The following SUMF1 variants were observed in gnomAD, a reference collection of about 807,000 sequenced individuals.
The protein encoded by SUMF1 is formylglycine-generating enzyme.
In SUMF1, 48 loss-of-function variants were observed where a neutral mutation model predicts 47.6. That is an observed-to-expected ratio of 1.01 (90% CI 0.80 to 1.28). The LOEUF is 1.28. Among genes scored for constraint, SUMF1 ranks in the 50% most tolerant of loss-of-function variants. The pLI is 0.00. For missense variants in SUMF1, 571 were observed against 485.4 expected (o/e 1.18, Z -1.66); for synonymous variants, 230 against 192.1 (o/e 1.20, Z -1.63).
At chr3:4,111,860 G>T (rs1218106734) in intron 8 of SUMF1, among the ~76,000 whole-genome samples, 3 of 152,118 alleles carry the variant, frequency 2.0e-5, no homozygotes, top group South Asian at 2.1e-4. Flanking sequence ...GAAGTGCACT[G>T]GCCTAGGTTA....
intron 6 of SUMF1, among the ~76,000 whole-genome samples, chr3:4,412,280 C>T (rs1701569017): frequency 6.6e-6 from 1 of 152,182 alleles, no homozygotes; most frequent in Non-Finnish European, 1.5e-5. Flanking sequence ...CAAAATCCAA[C>T]TCTGAAATGC....
chr3:4,347,690 A>T (rs1030147539), intron 8 of SUMF1, among the ~76,000 whole-genome samples: 1 of 152,208 alleles, frequency 6.6e-6, no homozygotes, highest in Non-Finnish European at 1.5e-5. Context: ...CATGGCAATC[A>T]GGCAAGAGAA....
At chr3:4,170,233 C>T (rs1371857268) in intron 8 of SUMF1, among the ~76,000 whole-genome samples, 1 of 152,172 alleles carries the variant, frequency 6.6e-6, no homozygotes, top group Non-Finnish European at 1.5e-5. Flanking sequence ...TGGCTAGTTA[C>T]ATAAAAAGTT....
At position 4,467,007 on chromosome 3, in the gene SUMF1, A is replaced by C. The variant is rs752083773; in HGVS notation, c.239T>G (p.Val80Gly). ...YSREANAPGP[V>G]PGERQLAHSK... The stretch of plus-strand genomic sequence containing the variant: ...GTGCGCGAGTTGCCGCTCTCCGGGT[A>C]CGGGGCCCGGAGCGTTAGCCTCCCG... Residue 80 changes from valine (V) to glycine (G), a missense_variant, in exon 1 of 9, where the codon GTA becomes GGA. By Grantham distance (109) the Val-to-Gly change is moderately radical. Coordinates refer to ENST00000272902, the MANE Select transcript of SUMF1 (RefSeq NM_182760.4). The C allele has an allele frequency of 2.5e-6, 4 of 1,596,678 alleles. No homozygotes were observed. Among genetic ancestry groups the C allele is most frequent in the Non-Finnish European group, 3.4e-6 (4 of 1,173,478 alleles).
intron 8 of SUMF1, among the ~76,000 whole-genome samples, chr3:4,170,710 GAAAAGATAATTCAGTGAA>G (rs1559532622): frequency 3.3e-5 from 5 of 152,064 alleles, no homozygotes. Context: ...TTGACAAGGT[GAAAAGATAATTCAGTGAA>G]AAAAGAATTG....
At chr3:4,221,269 C>G (rs971821454) in intron 8 of SUMF1, among the ~76,000 whole-genome samples, 1 of 152,094 alleles carries the variant, frequency 6.6e-6, no homozygotes, top group Non-Finnish European at 1.5e-5. Flanking sequence ...ATGTTCCTTG[C>G]CTTCTTAGAG....
chr3:4,327,489 T>C (rs548591530), intron 8 of SUMF1, among the ~76,000 whole-genome samples: 1 of 152,246 alleles, frequency 6.6e-6, no homozygotes, highest in South Asian at 2.1e-4. Flanking sequence ...ATGACAAAAG[T>C]CGTAGGACAG....
intron 3 of SUMF1, among the ~76,000 whole-genome samples, chr3:4,441,320 T>A (rs1027564062): frequency 1.3e-5 from 2 of 152,240 alleles, no homozygotes; most frequent in Non-Finnish European, 2.9e-5. Flanking sequence ...CAGATGGGAC[T>A]GCATAGTTGC....
rs2079979067 is a variant in SUMF1, at chr3:4,467,197, C to G, written c.49G>C (p.Gly17Arg). The change falls in exon 1 of 9, where the codon GGT becomes CGT. Residue 17 changes from glycine (G) to arginine (R), a missense_variant. By Grantham distance (125) the Gly-to-Arg change is moderately radical (BLOSUM62 -2). Transcript: ENST00000272902. ...AGCAGCAGCAGCAAGAGGACGAGAC[C>G]CAGCTCAGGGCAACGTCCACACACC... ...GLVCGRCPEL[G>R]LVLLLLLLSL... The G allele has an allele frequency of 1.2e-6, 2 of 1,611,282 alleles. No individual in the cohort carries two copies. Among genetic ancestry groups the G allele is most frequent in the Non-Finnish European group, 1.7e-6 (2 of 1,179,178 alleles).
chr3:4,149,642 A>C (rs1694273048), intron 8 of SUMF1, among the ~76,000 whole-genome samples: 1 of 152,174 alleles, frequency 6.6e-6, no homozygotes, highest in African/African-American at 2.4e-5. Context: ...ATAATCCCCA[A>C]ACAGGAAGCA....
At chr3:4,283,536 T>A (rs1241143585) in intron 8 of SUMF1, among the ~76,000 whole-genome samples, 3 of 152,170 alleles carry the variant, frequency 2.0e-5, no homozygotes, top group Non-Finnish European at 4.4e-5. Context: ...CAAATTACAA[T>A]AACCTAAGTA....
intron 8 of SUMF1, among the ~76,000 whole-genome samples, chr3:4,217,548 AGAAAAC>A (rs1695961826): frequency 9.0e-6 from 1 of 110,588 alleles, no homozygotes; most frequent in Non-Finnish European, 1.8e-5. Flanking sequence ...ATGAAGAAAA[AGAAAAC>A]TAGACTAACT....
rs1379080004 is a variant in SUMF1 at position 4,448,402 on chromosome 3, A to C, written c.519+864T>G. Among the ~76,000 whole-genome samples, 4 of 152,112 alleles carry C rather than the reference A, an allele frequency of 2.6e-5. No individual in the cohort carries two copies. The East Asian group carries it at 7.7e-4, about 29-fold the overall frequency. On this transcript the variant is annotated intron_variant, in intron 3 of 8. Coordinates refer to ENST00000272902, the MANE Select transcript of SUMF1 (RefSeq NM_182760.4). ...CATTAAAAAGGAAGATGAGGGCTGG[A>C]TTCCTTCGTCTTCAATGCCTCTAGC... is the stretch of plus-strand genomic sequence containing the variant.
chr3:4,162,906 A>T (rs549751546), intron 8 of SUMF1, among the ~76,000 whole-genome samples: 2 of 62,542 alleles, frequency 3.2e-5, no homozygotes, highest in African/African-American at 1.4e-4. Context: ...CCTCCCTCAT[A>T]AAAAAAAAAA....
At chr3:4,055,158 G>A (rs753834925) in intron 9 of SUMF1, among the ~76,000 whole-genome samples, 7 of 152,116 alleles carry the variant, frequency 4.6e-5, no homozygotes, top group East Asian at 1.9e-4. Flanking sequence ...GTGAAAAGGC[G>A]TTAAGAATAG....
intron 8 of SUMF1, among the ~76,000 whole-genome samples, chr3:4,136,769 T>A (rs1160644593): frequency 6.7e-6 from 1 of 149,290 alleles, no homozygotes; most frequent in Non-Finnish European, 1.5e-5. Flanking sequence ...TCAAACAAAT[T>A]TACAAGAAAA....
At chr3:4,211,910 A>G (rs1695807229) in intron 8 of SUMF1, among the ~76,000 whole-genome samples, 1 of 152,142 alleles carries the variant, frequency 6.6e-6, no homozygotes, top group Non-Finnish European at 1.5e-5. Context: ...GCATCTCTGA[A>G]AAAAAGGCAG....
intron 3 of SUMF1, among the ~76,000 whole-genome samples, chr3:4,425,426 A>G (rs1702037525): frequency 6.6e-6 from 1 of 152,246 alleles, no homozygotes; most frequent in Non-Finnish European, 1.5e-5. Flanking sequence ...ATTACATGTT[A>G]CAATATTCTC....
rs562421568 is a variant in SUMF1, at chr3:4,374,219, C to G, written c.1014+2111G>C. 6.6e-5 allele frequency among the ~76,000 whole-genome samples: 10 copies of G among 152,186 alleles called. No homozygotes were observed. The East Asian group carries it at 9.6e-4, about 15-fold the overall frequency. On this transcript the variant is annotated intron_variant, in intron 8 of 8. Coordinates refer to ENST00000272902, the MANE Select transcript of SUMF1 (RefSeq NM_182760.4). The stretch of plus-strand genomic sequence containing the variant: ...AGCAAGAAAAAGTTATAAAAGGGAT[C>G]TAGATTAAAAAGGAAGAACTGTCGA...
Sources: gnomAD v4.1 joint callset for allele counts (sites outside exome capture counted in the v4.1 genomes callset) on GRCh38, gnomAD v4.1.1 for gene constraint, MANE v1.5 for transcripts, NCBI Gene and HGNC (gene_info 2026-07-23, HGNC 2026-07-21) for gene names.